Variants in GAREM1 observed in about 807,000 individuals in gnomAD.
GAREM1 encodes GRB2 associated regulator of MAPK1 subtype 1, also known as GRB2-associated and regulator of MAPK protein 1.
In GAREM1, 26 loss-of-function variants were observed where a neutral mutation model predicts 71.3. The ratio of observed to expected loss-of-function variants is 0.36; its 90% CI spans 0.27 to 0.51. GAREM1 has a LOEUF of 0.51. Ranked by LOEUF, GAREM1 falls within the 20% of genes least tolerant of loss-of-function variation. The pLI, the probability that GAREM1 is intolerant of heterozygous loss-of-function variation, is 0.95. For synonymous variants in GAREM1, 440 were observed against 433.2 expected (o/e 1.02, Z -0.20); for missense variants, 1,026 against 1,103.1 (o/e 0.93, Z 0.99).
intron 2 of GAREM1, among the ~76,000 whole-genome samples, 172 bp from the exon 3 acceptor site, chr18:32,310,495 T>C (rs547447896): frequency 3.9e-5 from 6 of 152,326 alleles, no homozygotes; most frequent in East Asian, 3.9e-4. Context: ...AGAAGATAGA[T>C]AGATTTTAAA....
chr18:32,288,009 C>A lies in GAREM1; in HGVS notation c.588G>T (p.Pro196=), dbSNP rs36093913. 3.1e-6 allele frequency: 5 copies of A among 1,614,114 alleles called. No homozygotes were observed. In the East Asian group the frequency reaches 1.1e-4, roughly 36 times the overall value. ...TCCGGTGATTCATACAAATGAGGCA[C>A]GGCATTTTGCCTTTTCCCAGCTTGC... ...SISKLGKGKM[P]CLICMNHRTN... Residue 196 remains proline, a synonymous_variant, in exon 4 of 6, where the codon CCG becomes CCT. Coordinates refer to ENST00000269209, the MANE Select transcript of GAREM1 (RefSeq NM_001242409.2).
intron 2 of GAREM1, among the ~76,000 whole-genome samples, chr18:32,368,620 G>A (rs2047948634): frequency 6.6e-6 from 1 of 152,166 alleles, no homozygotes; most frequent in Non-Finnish European, 1.5e-5. Flanking sequence ...ATATTAAAGT[G>A]TCCACAGACC....
At position 32,264,382 on chromosome 18, in the gene GAREM1, C is replaced by T. The variant is rs1252238137; in HGVS notation, c.*3489G>A. The T allele has an allele frequency of 2.6e-5, 4 of 152,290 alleles. No homozygotes were observed. The highest frequency in any genetic ancestry group is 3.4e-3 in the Middle Eastern group (1 of 294). The allele number at this position is 152,290 out of a possible 1,614,324, so 9.4% of individuals were successfully genotyped here. ...ATGTTAATCTTATACTTGCTAGGCACGATGAGTAGTGACTTATACAAAGTG... is the reference window on the plus strand; with the variant it reads ...ATGTTAATCTTATACTTGCTAGGCATGATGAGTAGTGACTTATACAAAGTG... On this transcript the variant is annotated 3_prime_UTR_variant, in exon 6 of 6. Coordinates refer to ENST00000269209, the MANE Select transcript of GAREM1 (RefSeq NM_001242409.2).
intron 2 of GAREM1, among the ~76,000 whole-genome samples, chr18:32,354,235 T>C (rs2047783527): frequency 6.6e-6 from 1 of 152,204 alleles, no homozygotes; most frequent in Non-Finnish European, 1.5e-5. Flanking sequence ...TTGTGTACAC[T>C]TCTAAACATT....
At chr18:32,404,022 T>G (rs1567997773) in intron 1 of GAREM1, among the ~76,000 whole-genome samples, 1 of 152,206 alleles carries the variant, frequency 6.6e-6, no homozygotes. Context: ...CATAACATGC[T>G]GTTAGTCTTT....
intron 1 of GAREM1, chr18:32,413,161 A>G: frequency 1.3e-6 from 2 of 1,583,314 alleles, no homozygotes; most frequent in South Asian, 2.2e-5. Flanking sequence ...TCTTTAGGAG[A>G]CTCTGACTTA....
chr18:32,335,208 T>C (rs1175730022), intron 2 of GAREM1, among the ~76,000 whole-genome samples: 1 of 152,256 alleles, frequency 6.6e-6, no homozygotes, highest in South Asian at 2.1e-4. Flanking sequence ...GTGTGAAAGC[T>C]GAATCAATTT....
chr18:32,339,668 T>G (rs1048598718), intron 2 of GAREM1, among the ~76,000 whole-genome samples: 9 of 152,234 alleles, frequency 5.9e-5, no homozygotes, highest in African/African-American at 9.6e-5. Flanking sequence ...TACGATGCCT[T>G]GCAGGTGTTT....
intron 1 of GAREM1, among the ~76,000 whole-genome samples, chr18:32,416,982 T>C (rs2048472010): frequency 6.6e-6 from 1 of 152,172 alleles, no homozygotes; most frequent in African/African-American, 2.4e-5. Context: ...GACAAGGGAT[T>C]CATAACCAGA....
chr18:32,405,364 A>C (rs1259616663), intron 1 of GAREM1, among the ~76,000 whole-genome samples: 1 of 151,964 alleles, frequency 6.6e-6, no homozygotes, highest in African/African-American at 2.4e-5. Flanking sequence ...ATGCTGGCTA[A>C]TTTTTGTATT....
At chr18:32,305,978 A>C (rs1001082541) in intron 3 of GAREM1, among the ~76,000 whole-genome samples, 4 of 152,202 alleles carry the variant, frequency 2.6e-5, no homozygotes, top group Non-Finnish European at 5.9e-5. Flanking sequence ...AGGGAGCCGA[A>C]AATGGCTGGA....
chr18:32,401,350 AT>A (rs1333276487), intron 1 of GAREM1, among the ~76,000 whole-genome samples: 1 of 151,440 alleles, frequency 6.6e-6, no homozygotes, highest in Non-Finnish European at 1.5e-5. Context: ...ATAAAGACTA[AT>A]TGAATATAAA....
At position 32,310,177 on chromosome 18, in the gene GAREM1, C is replaced by T. The variant is rs1567958994; in HGVS notation, c.393+16G>A. 6.2e-7 allele frequency: 1 copy of T among 1,612,938 alleles called. No homozygotes were observed. On this transcript the variant is annotated intron_variant, in intron 3 of 5. Coordinates refer to ENST00000269209, the MANE Select transcript of GAREM1 (RefSeq NM_001242409.2). ...CTTTAGTGAGTATAAATATTTGGTG[C>T]TTCAAGAGCTACTACCTTCACGTTG...
intron 2 of GAREM1, among the ~76,000 whole-genome samples, chr18:32,355,072 T>C (rs2047790847): frequency 6.6e-6 from 1 of 152,242 alleles, no homozygotes; most frequent in Admixed American, 6.5e-5. Flanking sequence ...TTTTAATCCA[T>C]CTTTTCAAAG....
intron 3 of GAREM1, among the ~76,000 whole-genome samples, chr18:32,297,513 C>T (rs1206901636): frequency 6.6e-6 from 1 of 152,114 alleles, no homozygotes; most frequent in Non-Finnish European, 1.5e-5. Flanking sequence ...CCTTTCACAC[C>T]TCTGTATTTT....
intron 1 of GAREM1, among the ~76,000 whole-genome samples, chr18:32,458,932 C>A (rs2048926291): frequency 6.6e-6 from 1 of 151,798 alleles, no homozygotes; most frequent in South Asian, 2.1e-4. Flanking sequence ...TTCCAGGAAC[C>A]CAAAATAATA....
At chr18:32,361,086 G>A (rs1185676104) in intron 2 of GAREM1, among the ~76,000 whole-genome samples, 4 of 152,248 alleles carry the variant, frequency 2.6e-5, no homozygotes, top group African/African-American at 7.2e-5. Flanking sequence ...ACATGAAAAC[G>A]AAGCACAGTT....
At chr18:32,289,811 A>G (rs1274433388) in intron 3 of GAREM1, among the ~76,000 whole-genome samples, 2 of 152,214 alleles carry the variant, frequency 1.3e-5, no homozygotes, top group African/African-American at 2.4e-5. Flanking sequence ...AGCTCCCCAC[A>G]GCAAAGAATT....
chr18:32,410,033 C>A (rs2048401766), intron 1 of GAREM1, among the ~76,000 whole-genome samples: 3 of 152,162 alleles, frequency 2.0e-5, no homozygotes, highest in Non-Finnish European at 4.4e-5. Flanking sequence ...TAAGATGATG[C>A]ATTTGGTTTG....
Sources: gnomAD v4.1 joint callset for allele counts (sites outside exome capture counted in the v4.1 genomes callset) on GRCh38, gnomAD v4.1.1 for gene constraint, MANE v1.5 for transcripts, NCBI Gene and HGNC (gene_info 2026-07-23, HGNC 2026-07-21) for gene names.